Variants in RASSF3 observed in about 807,000 individuals in gnomAD.
RASSF3 encodes Ras association domain family member 3, also known as ras association domain-containing protein 3.
A neutral mutation model predicts 19.9 loss-of-function variants in RASSF3; 19 were observed. The ratio of observed to expected loss-of-function variants is 0.96; its 90% CI spans 0.67 to 1.40. The LOEUF is 1.40. RASSF3 is among the 40% of genes most tolerant of loss of function. The probability of loss-of-function intolerance (pLI) is 0.00; values close to 1 mark genes in which losing one functional copy is unlikely to be tolerated. For synonymous variants in RASSF3, 110 were observed against 104.2 expected (o/e 1.06, Z -0.34); for missense variants, 306 against 289.8 (o/e 1.06, Z -0.41).
intron 1 of RASSF3, among the ~76,000 whole-genome samples, chr12:64,675,916 A>T (rs1028854677): frequency 6.9e-6 from 1 of 144,106 alleles, no homozygotes; most frequent in South Asian, 2.2e-4. Flanking sequence ...CCTGCCATTT[A>T]AAAAAAAAAA....
intron 1 of RASSF3, among the ~76,000 whole-genome samples, chr12:64,662,570 A>G (rs1872406902): frequency 6.6e-6 from 1 of 152,182 alleles, no homozygotes; most frequent in South Asian, 2.1e-4. Flanking sequence ...CCCTGTCTCA[A>G]ACAAAGAAAC....
intron 2 of RASSF3, among the ~76,000 whole-genome samples, chr12:64,589,801 G>A (rs1490849912): frequency 1.3e-5 from 2 of 151,640 alleles, no homozygotes; most frequent in East Asian, 3.9e-4. Context: ...TCAGGAGTTT[G>A]AGACCAGCCT....
intron 1 of RASSF3, among the ~76,000 whole-genome samples, chr12:64,520,617 C>T (rs2136103783): frequency 7.4e-6 from 1 of 135,726 alleles, no homozygotes; most frequent in South Asian, 2.4e-4. Context: ...TTGTAGGTTC[C>T]CAGACTGGAA....
At chr12:64,570,912 A>T (rs1869507487) in intron 2 of RASSF3, among the ~76,000 whole-genome samples, 1 of 152,164 alleles carries the variant, frequency 6.6e-6, no homozygotes, top group Admixed American at 6.6e-5. Flanking sequence ...GGCAAGCCAG[A>T]TTTTTGGATA....
intron 1 of RASSF3, among the ~76,000 whole-genome samples, chr12:64,527,232 C>T (rs1868607303): frequency 6.6e-6 from 1 of 152,164 alleles, no homozygotes; most frequent in Non-Finnish European, 1.5e-5. Flanking sequence ...CAGCAGAGAA[C>T]CGGACTAAGA....
intron 1 of RASSF3, among the ~76,000 whole-genome samples, chr12:64,512,645 C>T (rs114905025): frequency 0.021 from 3,205 of 152,178 alleles, 110 homozygotes; most frequent in African/African-American, 0.073. Context: ...TATTATCAAG[C>T]CATTGTAATA....
At chr12:64,684,639 C>T (rs1355232937) in intron 1 of RASSF3, 148 bp from the exon 2 acceptor site, 1 of 551,430 alleles carries the variant, frequency 1.8e-6, no homozygotes, top group East Asian at 3.2e-5. Context: ...CCATTTTGGT[C>T]AGGGTGGTAT....
upstream of RASSF3, among the ~76,000 whole-genome samples, chr12:64,530,335 G>A (rs1166410927): frequency 6.7e-6 from 1 of 149,474 alleles, no homozygotes; most frequent in East Asian, 2.0e-4. Flanking sequence ...TAGAGACATG[G>A]TCTCACCATG....
intron 1 of RASSF3, among the ~76,000 whole-genome samples, chr12:64,521,647 A>G (rs1264643644): frequency 6.6e-6 from 1 of 152,216 alleles, no homozygotes; most frequent in African/African-American, 2.4e-5. Flanking sequence ...CCCTTCTTCC[A>G]TGCGTCTATG....
upstream of RASSF3, among the ~76,000 whole-genome samples, chr12:64,608,476 C>T (rs908670016): frequency 1.3e-5 from 2 of 152,142 alleles, no homozygotes; most frequent in Admixed American, 1.3e-4. Context: ...CCACGCCCAA[C>T]TAATTTTTGT....
chr12:64,690,161 A>G (rs1365724631), intron 3 of RASSF3, among the ~76,000 whole-genome samples: 3 of 150,960 alleles, frequency 2.0e-5, no homozygotes, highest in Non-Finnish European at 4.4e-5. Flanking sequence ...TGGATGGTAT[A>G]TACATTTTTT....
At position 64,694,869 on chromosome 12, in the gene RASSF3, A is replaced by G. The variant is rs774184122; in HGVS notation, c.674A>G (p.Gln225Arg). 1.2e-6 allele frequency: 2 copies of G among 1,614,234 alleles called. No individual in the cohort carries two copies. The highest frequency in any genetic ancestry group is 4.5e-5 in the East Asian group (2 of 44,882). ...AAGAGGCGCTACACAGCCTACAGGC[A>G]GAAGCTGGAAGAAGCCCTCCGTGAG... ...NLKRRYTAYR[Q>R]KLEEALREVW... The change falls in exon 5 of 5, where the codon CAG becomes CGG. Residue 225 changes from glutamine (Q) to arginine (R), a missense_variant. By Grantham distance (43) the Gln-to-Arg change is conservative (BLOSUM62 1). Coordinates refer to ENST00000542104, the MANE Select transcript of RASSF3 (RefSeq NM_178169.4).
intron 1 of RASSF3, among the ~76,000 whole-genome samples, chr12:64,536,361 C>A (rs1486342626): frequency 6.6e-6 from 1 of 152,044 alleles, no homozygotes; most frequent in Non-Finnish European, 1.5e-5. Context: ...AGTGGGTCTG[C>A]TGTAGGCTGA....
At chr12:64,524,151 A>C (rs1367391454) in intron 1 of RASSF3, among the ~76,000 whole-genome samples, 1 of 151,280 alleles carries the variant, frequency 6.6e-6, no homozygotes, top group Non-Finnish European at 1.5e-5. Context: ...TCCTGGGTTC[A>C]AGTGATTCTT....
At chr12:64,672,662 G>A (rs1025805186) in intron 1 of RASSF3, among the ~76,000 whole-genome samples, 7 of 152,002 alleles carry the variant, frequency 4.6e-5, no homozygotes, top group African/African-American at 1.2e-4. Context: ...GTGCACAGCC[G>A]CCACTCCTGG....
intron 1 of RASSF3, chr12:64,622,737 C>A: frequency 3.8e-6 from 1 of 264,092 alleles, no homozygotes; most frequent in Non-Finnish European, 7.5e-6. Flanking sequence ...AGAGTTACTT[C>A]TGACTTTATG....
chr12:64,572,900 C>T (rs1164172640), intron 2 of RASSF3, among the ~76,000 whole-genome samples: 1 of 152,064 alleles, frequency 6.6e-6, no homozygotes, highest in African/African-American at 2.4e-5. Flanking sequence ...AATGCAATTT[C>T]TTTTTAAAAT....
chr12:64,614,216 C>G (rs1188568089), intron 1 of RASSF3, among the ~76,000 whole-genome samples: 3 of 151,014 alleles, frequency 2.0e-5, no homozygotes, highest in African/African-American at 7.3e-5. Context: ...TCACTGCAAC[C>G]TCCGTCTCCC....
chr12:64,680,606 C>A (rs1873086409), intron 1 of RASSF3, among the ~76,000 whole-genome samples: 1 of 151,740 alleles, frequency 6.6e-6, no homozygotes, highest in Non-Finnish European at 1.5e-5. Flanking sequence ...TCCAGCTGAT[C>A]TTTGTTTTTT....
Sources: gnomAD v4.1 joint callset for allele counts (sites outside exome capture counted in the v4.1 genomes callset) on GRCh38, gnomAD v4.1.1 for gene constraint, MANE v1.5 for transcripts, NCBI Gene and HGNC (gene_info 2026-07-23, HGNC 2026-07-21) for gene names.